RYR3: variants seen among roughly 807,000 people sequenced by gnomAD.
The protein encoded by RYR3 is ryanodine receptor 3.
Under a neutral mutation model 584.3 loss-of-function variants are expected in RYR3, and 207 were observed. The ratio of observed to expected loss-of-function variants is 0.35; its 90% CI spans 0.32 to 0.40. RYR3 has a LOEUF of 0.40. Among genes scored for constraint, RYR3 ranks in the 10% least tolerant of loss-of-function variants. The pLI is 1.00. For missense variants in RYR3, 5,616 were observed against 6,089.2 expected (o/e 0.92, Z 2.59); for synonymous variants, 2,416 against 2,248.5 (o/e 1.07, Z -2.11).
At chr15:33,685,692 A>G (rs906417617) in intron 38 of RYR3, among the ~76,000 whole-genome samples, 2 of 152,278 alleles carry the variant, frequency 1.3e-5, no homozygotes, top group Admixed American at 1.3e-4. Flanking sequence ...ATAATTGGAA[A>G]TAATGCACTC....
At chr15:33,586,841 C>G (rs1595721618) in intron 16 of RYR3, among the ~76,000 whole-genome samples, 1 of 152,026 alleles carries the variant, frequency 6.6e-6, no homozygotes, top group Non-Finnish European at 1.5e-5. Flanking sequence ...TTTTCCTGAC[C>G]CTTCAACATC....
chr15:33,773,717 A>C, intron 64 of RYR3, 102 bp downstream of exon 64: 1 of 769,852 alleles, frequency 1.3e-6, no homozygotes, highest in Non-Finnish European at 2.2e-6. Context: ...CAAGACCAAA[A>C]TGCTCACTGA....
intron 10 of RYR3, among the ~76,000 whole-genome samples, chr15:33,557,679 G>A (rs1042207530): frequency 6.6e-5 from 10 of 152,062 alleles, no homozygotes; most frequent in Non-Finnish European, 1.2e-4. Context: ...CACCATGCCC[G>A]GCCGGGTTCT....
intron 26 of RYR3, 81 bp from the exon 27 acceptor site, chr15:33,636,295 T>A: frequency 8.6e-7 from 1 of 1,167,664 alleles, no homozygotes; most frequent in Non-Finnish European, 1.3e-6. Flanking sequence ...AGTTAGGAGA[T>A]ATCGAAGATA....
intron 43 of RYR3, among the ~76,000 whole-genome samples, chr15:33,716,163 C>G (rs948189575): frequency 6.6e-6 from 1 of 152,180 alleles, no homozygotes; most frequent in African/African-American, 2.4e-5. Context: ...TCACCAGAAA[C>G]CAAGCAGTTG....
At chr15:33,395,391 A>C (rs2042237507) in intron 1 of RYR3, among the ~76,000 whole-genome samples, 1 of 152,312 alleles carries the variant, frequency 6.6e-6, no homozygotes, top group South Asian at 2.1e-4. Flanking sequence ...TTTCTTAAAA[A>C]CCGAAACTTA....
At chr15:33,619,510 AC>A (rs1278238152) in intron 19 of RYR3, among the ~76,000 whole-genome samples, 1 of 152,288 alleles carries the variant, frequency 6.6e-6, no homozygotes, top group East Asian at 1.9e-4. Context: ...AGAGAAGTGG[AC>A]TGGTAGGTTT....
At chr15:33,610,683 G>A (rs1417128846) in intron 18 of RYR3, among the ~76,000 whole-genome samples, 2 of 152,140 alleles carry the variant, frequency 1.3e-5, no homozygotes. Context: ...GAAGTTCTTA[G>A]GACCAAAAGT....
chr15:33,549,911 C>G (rs981549279), intron 9 of RYR3, among the ~76,000 whole-genome samples: 10 of 152,240 alleles, frequency 6.6e-5, no homozygotes, highest in African/African-American at 2.4e-4. Flanking sequence ...CCTGGGACTT[C>G]CAGTTGTATG....
rs74005663 is a variant in RYR3, at chr15:33,506,268, G to A, written c.279+2530G>A. 1.4e-3 allele frequency among the ~76,000 whole-genome samples: 212 copies of A among 152,238 alleles called. 2 individuals are homozygous for A. Among genetic ancestry groups the A allele is most frequent in the African/African-American group, 4.8e-3 (201 of 41,534 alleles). ...TACCTTAATTACCAAGCATGTTATAGCAGAAGTTTGTTTAATATAATTATA... is the reference window on the plus strand; with the variant it reads ...TACCTTAATTACCAAGCATGTTATAACAGAAGTTTGTTTAATATAATTATA... On this transcript the variant is annotated intron_variant, in intron 3 of 103. Transcript: ENST00000634891.
At position 33,600,167 on chromosome 15, in the gene RYR3, T is replaced by C. The variant is rs1435581036; in HGVS notation, c.1789-1252T>C. Among the ~76,000 whole-genome samples the C allele has an allele frequency of 2.6e-5, 4 of 152,160 alleles. No homozygotes were observed. The South Asian group carries it at 6.2e-4, about 24-fold the overall frequency. On this transcript the variant is annotated intron_variant, in intron 16 of 103. Coordinates refer to ENST00000634891, the MANE Select transcript of RYR3 (RefSeq NM_001036.6). ...TGCATTTGGGATTCTTTTCTGCTTGTCCCGTAAATGTGCTTTGTATTTATC... is the reference window on the plus strand; with the variant it reads ...TGCATTTGGGATTCTTTTCTGCTTGCCCCGTAAATGTGCTTTGTATTTATC...
Position 33,684,491 on chromosome 15 carries a change from T to C in RYR3, c.5861-11727T>C, listed in dbSNP as rs180710370. On this transcript the variant is annotated intron_variant, in intron 38 of 103. Transcript: ENST00000634891. Reference sequence around the variant, plus strand: ...TCCACACCAAAACCCCATCTGTAGGTCACCAGCATCAAAGACCAAAGGTAG... The same window carrying C: ...TCCACACCAAAACCCCATCTGTAGGCCACCAGCATCAAAGACCAAAGGTAG... Among the ~76,000 whole-genome samples, 4 of 151,208 alleles carry C rather than the reference T, an allele frequency of 2.6e-5. No individual in the cohort carries two copies. The East Asian group carries it at 7.8e-4, about 29-fold the overall frequency.
intron 1 of RYR3, among the ~76,000 whole-genome samples, chr15:33,344,543 G>GA (rs1304705769): frequency 3.3e-5 from 5 of 151,800 alleles, no homozygotes; most frequent in Admixed American, 6.6e-5. Context: ...AGTTCATATA[G>GA]AAAAAATGTG....
intron 38 of RYR3, among the ~76,000 whole-genome samples, chr15:33,674,629 G>A (rs1318920150): frequency 6.6e-6 from 1 of 152,152 alleles, no homozygotes; most frequent in Admixed American, 6.5e-5. Context: ...AGAAAAAGGA[G>A]GAAATGGGTA....
chr15:33,726,215 C>T (rs1027981182), intron 45 of RYR3, among the ~76,000 whole-genome samples, 171 bp from the exon 46 acceptor site: 1 of 152,078 alleles, frequency 6.6e-6, no homozygotes, highest in African/African-American at 2.4e-5. Flanking sequence ...TCTGGAAAAT[C>T]AAGATGCCAC....
intron 1 of RYR3, among the ~76,000 whole-genome samples, chr15:33,374,112 A>T (rs1239434337): frequency 6.6e-6 from 1 of 152,214 alleles, no homozygotes; most frequent in Non-Finnish European, 1.5e-5. Flanking sequence ...GCTAAAAAGC[A>T]GTGAATTGCT....
rs555178867 is a variant in RYR3 at position 33,661,132 on chromosome 15, C to T, written c.4622+709C>T. Among the ~76,000 whole-genome samples the T allele has an allele frequency of 2.6e-5, 4 of 152,112 alleles. No individual in the cohort carries two copies. The East Asian group carries it at 7.7e-4, about 29-fold the overall frequency. On this transcript the variant is annotated intron_variant, in intron 34 of 103. Transcript: ENST00000634891. ...TCACGAGCAGCAGGGCAGGCCATGG[C>T]AGGAAAGGGGCAGAAAAGACCAGGA...
intron 1 of RYR3, among the ~76,000 whole-genome samples, chr15:33,323,266 C>A (rs1969240545): frequency 6.6e-6 from 1 of 152,086 alleles, no homozygotes; most frequent in Non-Finnish European, 1.5e-5. Flanking sequence ...CACCCGCCAC[C>A]ATGCCCAGCT....
In RYR3 at chr15:33,581,492, C is replaced by T. The variant is rs1595698896; in HGVS notation, c.1438-16C>T. 1 of 1,611,880 alleles carries T rather than the reference C, an allele frequency of 6.2e-7. No homozygotes were observed. The highest frequency in any genetic ancestry group is 8.5e-7 in the Non-Finnish European group (1 of 1,178,342). ...TAATCAGCAATGTTTACATTTTCCT[C>T]CACTCTCCTTCTCAGGGAATGTTGG... On this transcript the variant is annotated splice_polypyrimidine_tract_variant and intron_variant, in intron 13 of 103. Coordinates refer to ENST00000634891, the MANE Select transcript of RYR3 (RefSeq NM_001036.6).
Sources: allele counts gnomAD v4.1 joint callset (sites outside exome capture counted in the v4.1 genomes callset), GRCh38; gene constraint gnomAD v4.1.1; transcripts MANE v1.5; gene names NCBI Gene and HGNC (gene_info 2026-07-23, HGNC 2026-07-21).